The following SLIT2 variants were observed in gnomAD, a reference collection of about 807,000 sequenced individuals.
SLIT2 encodes the protein slit homolog 2 protein.
Under a neutral mutation model 185.7 loss-of-function variants are expected in SLIT2, and 41 were observed. The ratio of observed to expected loss-of-function variants is 0.22; its 90% CI spans 0.17 to 0.29. The LOEUF is 0.29. SLIT2 is among the 10% of genes least tolerant of loss of function. SLIT2 has a pLI of 1.00. For missense variants in SLIT2, 1,571 were observed against 1,909.0 expected (o/e 0.82, Z 3.30); for synonymous variants, 693 against 680.2 (o/e 1.02, Z -0.29).
intron 26 of SLIT2, among the ~76,000 whole-genome samples, chr4:20,560,840 A>T (rs1193299987): frequency 6.6e-6 from 1 of 151,954 alleles, no homozygotes; most frequent in Non-Finnish European, 1.5e-5. Flanking sequence ...AATATTATTC[A>T]AGTTCGTACA....
At chr4:20,445,296 A>G (rs919453152) in intron 4 of SLIT2, among the ~76,000 whole-genome samples, 9 of 152,354 alleles carry the variant, frequency 5.9e-5, no homozygotes, top group East Asian at 1.9e-4. Flanking sequence ...TGTTTCTTAC[A>G]TGAGCATCAT....
At chr4:20,435,145 A>T (rs1729262845) in intron 4 of SLIT2, among the ~76,000 whole-genome samples, 1 of 152,188 alleles carries the variant, frequency 6.6e-6, no homozygotes, top group Admixed American at 6.5e-5. Flanking sequence ...AATTCCTGAG[A>T]TCATTCATTC....
chr4:20,408,847 C>T (rs1054965718), intron 4 of SLIT2, among the ~76,000 whole-genome samples: 8 of 152,108 alleles, frequency 5.3e-5, no homozygotes, highest in African/African-American at 1.9e-4. Flanking sequence ...ACTTAAGTGA[C>T]AGTTTTCTTA....
At chr4:20,520,337 A>G (rs1041155608) in intron 12 of SLIT2, among the ~76,000 whole-genome samples, 5 of 152,198 alleles carry the variant, frequency 3.3e-5, no homozygotes, top group Admixed American at 2.0e-4. Flanking sequence ...GTAAAGTTGG[A>G]AAAAAATGCA....
At chr4:20,479,885 C>CTAG (rs2148776434) in intron 5 of SLIT2, among the ~76,000 whole-genome samples, 1 of 152,142 alleles carries the variant, frequency 6.6e-6, no homozygotes, top group South Asian at 2.1e-4. Flanking sequence ...GGCTTTTTAC[C>CTAG]ATAGATACAT....
At chr4:20,534,122 C>G (rs595012) in intron 18 of SLIT2, among the ~76,000 whole-genome samples, 12,265 of 152,164 alleles carry the variant, frequency 0.081, 969 homozygotes, top group African/African-American at 0.2. Flanking sequence ...TCAAAATGGT[C>G]ATTTTATTTC....
intron 4 of SLIT2, among the ~76,000 whole-genome samples, chr4:20,338,957 G>C (rs902359470): frequency 6.6e-6 from 1 of 151,804 alleles, no homozygotes; most frequent in African/African-American, 2.4e-5. Flanking sequence ...GGTAGGCATG[G>C]TGGCGTGTGC....
intron 22 of SLIT2, among the ~76,000 whole-genome samples, chr4:20,546,687 C>CT (rs1304471444): frequency 2.0e-5 from 3 of 151,918 alleles, no homozygotes; most frequent in Non-Finnish European, 4.4e-5. Context: ...AATAACATCT[C>CT]TTTTTTTATT....
rs763178243 is a variant in SLIT2 at position 20,529,110 on chromosome 4, C to T, written c.1613+11C>T. On this transcript the variant is annotated intron_variant, in intron 16 of 36. Coordinates refer to ENST00000504154, the MANE Select transcript of SLIT2 (RefSeq NM_004787.4). ...GTACACTGCAGAGTTGTAAGTTCAT[C>T]CCCCAACAAAATTCTGGTTGGGATG... 4.5e-6 allele frequency: 7 copies of T among 1,567,030 alleles called. No homozygotes were observed. Among genetic ancestry groups the T allele is most frequent in the Non-Finnish European group, 6.1e-6 (7 of 1,149,376 alleles).
chr4:20,616,881 C>A (rs1285245140), intron 34 of SLIT2, 29 bp from the exon 35 acceptor site: 5 of 1,557,224 alleles, frequency 3.2e-6, no homozygotes, highest in Non-Finnish European at 4.4e-6. Context: ...CCCAGAGAGC[C>A]TGACCTCTGA....
intron 4 of SLIT2, among the ~76,000 whole-genome samples, chr4:20,424,912 C>G (rs535649684): frequency 1.3e-5 from 2 of 152,080 alleles, no homozygotes; most frequent in Non-Finnish European, 2.9e-5. Context: ...ATCAGATTTG[C>G]AAGTCCAAAT....
At chr4:20,599,694 T>A (rs965632420) in intron 33 of SLIT2, among the ~76,000 whole-genome samples, 9 of 152,172 alleles carry the variant, frequency 5.9e-5, no homozygotes, top group Non-Finnish European at 1.0e-4. Context: ...GGGGTTTTTT[T>A]AATATAAATT....
intron 5 of SLIT2, among the ~76,000 whole-genome samples, chr4:20,480,088 G>A (rs1324900085): frequency 6.6e-6 from 1 of 152,160 alleles, no homozygotes; most frequent in Non-Finnish European, 1.5e-5. Context: ...TAATGATAAA[G>A]AATGTGAATT....
At chr4:20,456,082 A>G (rs752590116) in intron 4 of SLIT2, among the ~76,000 whole-genome samples, 5 of 152,148 alleles carry the variant, frequency 3.3e-5, no homozygotes, top group Non-Finnish European at 5.9e-5. Flanking sequence ...TTCAGGGGAC[A>G]GAAAACAACA....
intron 9 of SLIT2, among the ~76,000 whole-genome samples, chr4:20,495,117 G>A (rs749325079): frequency 1.6e-4 from 25 of 152,182 alleles, no homozygotes; most frequent in Non-Finnish European, 3.1e-4. Flanking sequence ...TGATAGAGTG[G>A]TAGGTCAATG....
intron 4 of SLIT2, among the ~76,000 whole-genome samples, chr4:20,459,863 ATT>A (rs200920585): frequency 7.9e-5 from 11 of 138,848 alleles, no homozygotes; most frequent in Admixed American, 1.5e-4. Flanking sequence ...CATGTTTGGA[ATT>A]TTTTTTTTTT....
In SLIT2 at chr4:20,251,939, G is replaced by A. The variant is rs1426773090; in HGVS notation, c.-1877G>A. On this transcript the variant is annotated 5_prime_UTR_variant, in exon 1 of 37. Transcript: ENST00000504154. ...TATTTATTTGGGAAGCGCCCGGACGGCGGAGCTTGGCGGCGGCGGTGGTGG... is the reference window on the plus strand; with the variant it reads ...TATTTATTTGGGAAGCGCCCGGACGACGGAGCTTGGCGGCGGCGGTGGTGG... 6.6e-6 allele frequency among the ~76,000 whole-genome samples: 1 copy of A among 152,140 alleles called. No homozygotes were observed. Among genetic ancestry groups the A allele is most frequent in the Admixed American group, 6.5e-5 (1 of 15,280 alleles).
intron 4 of SLIT2, among the ~76,000 whole-genome samples, chr4:20,361,748 GA>G (rs1297966646): frequency 3.3e-5 from 5 of 151,942 alleles, no homozygotes; most frequent in African/African-American, 7.2e-5. Context: ...TTTTGCATAA[GA>G]AATGTTAGGT....
intron 9 of SLIT2, among the ~76,000 whole-genome samples, chr4:20,502,818 A>G (rs1178874054): frequency 6.6e-6 from 1 of 152,232 alleles, no homozygotes; most frequent in Non-Finnish European, 1.5e-5. Context: ...TTAGATTTCC[A>G]TGATAGAAAA....
Sources: gnomAD v4.1 joint callset for allele counts (sites outside exome capture counted in the v4.1 genomes callset) on GRCh38, gnomAD v4.1.1 for gene constraint, MANE v1.5 for transcripts, NCBI Gene and HGNC (gene_info 2026-07-23, HGNC 2026-07-21) for gene names.